The following NT5DC2 variants were observed in gnomAD, a reference collection of about 807,000 sequenced individuals.
NT5DC2 encodes 5'-nucleotidase domain-containing protein 2.
NT5DC2 carries 41 observed loss-of-function variants against 70.0 expected under a neutral mutation model. The ratio of observed to expected loss-of-function variants is 0.59; its 90% CI spans 0.46 to 0.76. NT5DC2 has a LOEUF of 0.76. NT5DC2 is among the 30% of genes least tolerant of loss of function. The pLI, the probability that NT5DC2 is intolerant of heterozygous loss-of-function variation, is 0.00. For missense variants in NT5DC2, 705 were observed against 783.2 expected (o/e 0.90, Z 1.19); for synonymous variants, 299 against 310.4 (o/e 0.96, Z 0.39).
intron 1 of NT5DC2, among the ~76,000 whole-genome samples, chr3:52,530,745 G>A (rs542019706): frequency 6.6e-6 from 1 of 152,318 alleles, no homozygotes; most frequent in Non-Finnish European, 1.5e-5. Context: ...TACTAAGACT[G>A]TCATATGGAA....
Position 52,524,584 on chromosome 3 carries a change from G to A in NT5DC2, c.1560C>T (p.Phe520=). 1.2e-6 allele frequency: 2 copies of A among 1,613,194 alleles called. No homozygotes were observed. The highest frequency in any genetic ancestry group is 2.2e-5 in the East Asian group (1 of 44,884). ...LSCLLNYRVD[F]TFYPRRTPLQ... ...GCGGCGTACGGCGTGGGTAGAAGGT[G>A]AAGTCCACGCGGTAGTTGAGCAGGC... Residue 520 remains phenylalanine, a synonymous_variant, in exon 14 of 14, where the codon TTC becomes TTT. Coordinates refer to ENST00000422318, the MANE Select transcript of NT5DC2 (RefSeq NM_001134231.2).
At chr3:52,526,858 G>A (rs1334194539) in intron 10 of NT5DC2, among the ~76,000 whole-genome samples, 12 of 152,060 alleles carry the variant, frequency 7.9e-5, no homozygotes, top group Admixed American at 4.6e-4. Flanking sequence ...ATGGGGTTTC[G>A]CCATGTTGGC....
chr3:52,533,505 C>T lies in NT5DC2; in HGVS notation c.232+1G>A, dbSNP rs975356362. 4.0e-6 allele frequency: 6 copies of T among 1,496,660 alleles called. No individual in the cohort carries two copies. The highest frequency in any genetic ancestry group is 2.1e-5 in the Admixed American group (1 of 46,722). The allele number at this position is 1,496,660 out of a possible 1,614,324, so 92.7% of individuals were successfully genotyped here. A position where few individuals can be genotyped will look rare whatever the true frequency, so the allele number is the denominator to read the frequency against. ...CGCACGTCCCGCCCCGGCTCACCCACCGTGCACCAGTCTCCGCATGTCCTG... is the reference window on the plus strand; with the variant it reads ...CGCACGTCCCGCCCCGGCTCACCCATCGTGCACCAGTCTCCGCATGTCCTG... On this transcript the variant is annotated splice_donor_variant, in intron 1 of 13. Coordinates refer to ENST00000422318, the MANE Select transcript of NT5DC2 (RefSeq NM_001134231.2). LOFTEE classifies it high-confidence loss of function.
chr3:52,533,281 A>G (rs1315488518), intron 1 of NT5DC2, among the ~76,000 whole-genome samples: 2 of 151,982 alleles, frequency 1.3e-5, no homozygotes, highest in Non-Finnish European at 2.9e-5. Context: ...CTGCAGACCG[A>G]GCCGGGGAAC....
chr3:52,533,930 G>C (rs1275275854), upstream of NT5DC2: 2 of 589,440 alleles, frequency 3.4e-6, no homozygotes, highest in Non-Finnish European at 4.2e-6. Context: ...CCCCGGACCC[G>C]GCGGGGCGGG....
intron 1 of NT5DC2, chr3:52,532,585 C>T (rs2079375534): frequency 7.0e-6 from 6 of 860,960 alleles, no homozygotes; most frequent in Admixed American, 6.2e-5. Flanking sequence ...ACAAAAGCCA[C>T]GTCACCCCTG....
At chr3:52,526,179 G>A (rs1398621408) in intron 10 of NT5DC2, 1 of 152,386 alleles carries the variant, frequency 6.6e-6, no homozygotes, top group Non-Finnish European at 1.5e-5. Context: ...ACCCTCTTTA[G>A]CTGAGGCTGG....
rs2079325199 is a variant in NT5DC2 at position 52,529,138 on chromosome 3, C to A, written c.417+12G>T. On this transcript the variant is annotated intron_variant, in intron 2 of 13. Transcript: ENST00000422318. This position sits in a 1 kb window ranked among gnomAD's most constrained non-coding sequence, Gnocchi z 4.1. ...GCCCTGGGTTTGTTGGTGGCAAGGA[C>A]CCCCGTCTCACCTTGTAGTGCTCGA... The A allele has an allele frequency of 3.1e-6, 5 of 1,613,942 alleles. No individual in the cohort carries two copies. Among genetic ancestry groups the A allele is most frequent in the Non-Finnish European group, 4.2e-6 (5 of 1,179,892 alleles).
rs936677056 is a variant in NT5DC2, at chr3:52,533,492, C to T, written c.232+14G>A. 33 of 1,496,106 alleles carry T rather than the reference C, an allele frequency of 2.2e-5. No homozygotes were observed. The highest frequency in any genetic ancestry group is 2.9e-5 in the Non-Finnish European group (33 of 1,124,714). 92.7% of individuals were successfully genotyped at this position (1,496,106 alleles called of 1,614,324 possible). ...GAAGACACCCCGGCGCACGTCCCGC[C>T]CCGGCTCACCCACCGTGCACCAGTC... On this transcript the variant is annotated intron_variant, in intron 1 of 13. Transcript: ENST00000422318.
Position 52,524,722 on chromosome 3 carries a change from G to A in NT5DC2, c.1422C>T (p.Thr474=), listed in dbSNP as rs2079213541. The change falls in exon 14 of 14, where the codon ACC becomes ACT. Residue 474 remains threonine (T), a synonymous_variant. Coordinates refer to ENST00000422318, the MANE Select transcript of NT5DC2 (RefSeq NM_001134231.2). ...CGAACTGCGCATTGAACAGGGCCTT[G>A]GTGATGCACCTGGCGAGGGAGACAC... ...MKERQELRCI[T]KALFNAQFGS... 1 of 1,612,610 alleles carries A rather than the reference G, an allele frequency of 6.2e-7. No individual in the cohort carries two copies. The highest frequency in any genetic ancestry group is 8.5e-7 in the Non-Finnish European group (1 of 1,179,980).
upstream of NT5DC2, chr3:52,533,890 G>A (rs2153247921): frequency 1.0e-6 from 1 of 954,952 alleles, no homozygotes; most frequent in Non-Finnish European, 1.2e-6. Flanking sequence ...CCTGCCAATG[G>A]GCGCGCCCCT....
Position 52,525,299 on chromosome 3 carries a change from GGGAGA to G in NT5DC2, c.1120-9_1120-5del, listed in dbSNP as rs778175285. Reference sequence around the variant, plus strand: ...GTAAGAAGTCAAACAGGTTTCCCTAGGGAGAGGAGGGGAATGCTGCTGAGCCAAGT... The same window carrying G: ...GTAAGAAGTCAAACAGGTTTCCCTAGGGAGGGGAATGCTGCTGAGCCAAGT... On this transcript the variant is annotated splice_region_variant and splice_polypyrimidine_tract_variant and intron_variant, in intron 10 of 13. Transcript: ENST00000422318. The G allele has an allele frequency of 1.2e-5, 20 of 1,609,892 alleles. No individual in the cohort carries two copies. The highest frequency in any genetic ancestry group is 1.5e-5 in the Non-Finnish European group (18 of 1,177,910).
intron 1 of NT5DC2, chr3:52,532,224 G>A (rs1330396765): frequency 3.0e-6 from 3 of 985,374 alleles, no homozygotes; most frequent in African/African-American, 1.7e-5. Flanking sequence ...AGAGGGCTGT[G>A]AGGCTCCAAA....
rs755235188 is a variant in NT5DC2, at chr3:52,528,879, G to A, written c.474C>T (p.Leu158=). ...DYNPSFAIRG[L]HYDIQKSLLM... ...CACTCACCTTCTGAATGTCATAGTG[G>A]AGGCCACGGATGGCAAAGCTGGGGT... Residue 158 remains leucine (L), a synonymous_variant, in exon 3 of 14, where the codon CTC becomes CTT. Coordinates refer to ENST00000422318, the MANE Select transcript of NT5DC2 (RefSeq NM_001134231.2). 3 of 1,614,072 alleles carry A rather than the reference G, an allele frequency of 1.9e-6. No homozygotes were observed. Among genetic ancestry groups the A allele is most frequent in the Non-Finnish European group, 8.5e-7 (1 of 1,180,006 alleles).
rs368462113 is a variant in NT5DC2, at chr3:52,524,685, G to A, written c.1459C>T (p.Arg487Cys). Reference protein sequence around the residue: ...LFNAQFGSIFRTFHNPTYFSR... With the variant: ...LFNAQFGSIFCTFHNPTYFSR... ...AAGTAGGTGGGGTTGTGGAAGGTGC[G>A]GAAGATGCTGCCGAACTGCGCATTG... The change falls in exon 14 of 14, where the codon CGC becomes TGC. Residue 487 changes from arginine to cysteine, a missense_variant. By Grantham distance (180) the Arg-to-Cys change is radical. Coordinates refer to ENST00000422318, the MANE Select transcript of NT5DC2 (RefSeq NM_001134231.2). 5 of 1,612,838 alleles carry A rather than the reference G, an allele frequency of 3.1e-6. No individual in the cohort carries two copies. The highest frequency in any genetic ancestry group is 2.2e-5 in the East Asian group (1 of 44,878).
At chr3:52,532,525 G>C in intron 1 of NT5DC2, 1 of 984,050 alleles carries the variant, frequency 1.0e-6, no homozygotes, top group Non-Finnish European at 1.2e-6. Context: ...GAAAACCCCT[G>C]TCTAGCCAGT....
At chr3:52,525,563 A>AGGTT (rs1301288010) in intron 10 of NT5DC2, 5 of 479,926 alleles carry the variant, frequency 1.0e-5, no homozygotes, top group Non-Finnish European at 1.9e-5. Context: ...CACGTACCCC[A>AGGTT]GGTTAGGGAT....
intron 10 of NT5DC2, among the ~76,000 whole-genome samples, chr3:52,526,794 G>A (rs1010287160): frequency 2.0e-5 from 3 of 152,136 alleles, no homozygotes; most frequent in African/African-American, 7.2e-5. Context: ...GGAGTAGCTG[G>A]GACCACAGGT....
At position 52,533,502 on chromosome 3, in the gene NT5DC2, C is replaced by T. The variant is rs1277014717; in HGVS notation, c.232+4G>A. On this transcript the variant is annotated splice_donor_region_variant and intron_variant, in intron 1 of 13. Transcript: ENST00000422318. ...CGGCGCACGTCCCGCCCCGGCTCAC[C>T]CACCGTGCACCAGTCTCCGCATGTC... is the stretch of plus-strand genomic sequence containing the variant. 3.3e-6 allele frequency: 5 copies of T among 1,496,356 alleles called. No homozygotes were observed. In the Middle Eastern group the frequency reaches 6.2e-4, roughly 186 times the overall value. 92.7% of individuals were successfully genotyped at this position (1,496,356 alleles called of 1,614,324 possible). A position where few individuals can be genotyped will look rare whatever the true frequency, so the allele number is the denominator to read the frequency against.
Sources: gnomAD v4.1 joint callset for allele counts (sites outside exome capture counted in the v4.1 genomes callset) on GRCh38, gnomAD v4.1.1 for gene constraint, Gnocchi (gnomAD v3.1) non-coding constraint, MANE v1.5 for transcripts, NCBI Gene and HGNC (gene_info 2026-07-23, HGNC 2026-07-21) for gene names.